The following CASTOR2 variants were observed in gnomAD, a reference collection of about 807,000 sequenced individuals.
CASTOR2 encodes the protein GATS protein like 2.
Under a neutral mutation model 31.2 loss-of-function variants are expected in CASTOR2, and 8 were observed. That is an observed-to-expected ratio of 0.26 (90% CI 0.15 to 0.46). The LOEUF (loss-of-function observed/expected upper bound fraction) is 0.46, where lower values mean the gene tolerates loss of function less well. CASTOR2 is among the 20% of genes least tolerant of loss of function. The probability of loss-of-function intolerance (pLI) is 0.99; values close to 1 mark genes in which losing one functional copy is unlikely to be tolerated. For missense variants in CASTOR2, 216 were observed against 382.1 expected (o/e 0.57, Z 3.62); for synonymous variants, 162 against 158.7 (o/e 1.02, Z -0.16).
At chr7:74,990,682 C>T (rs1189111862) in intron 1 of CASTOR2, among the ~76,000 whole-genome samples, 3 of 152,128 alleles carry the variant, frequency 2.0e-5, no homozygotes, top group Non-Finnish European at 4.4e-5. Context: ...TGGCAAAATC[C>T]CATCTCTACT....
Position 75,028,265 on chromosome 7 carries a change from C to A in CASTOR2, c.*3566C>A, listed in dbSNP as rs899686874. Among the ~76,000 whole-genome samples, 1 of 152,028 alleles carries A rather than the reference C, an allele frequency of 6.6e-6. No individual in the cohort carries two copies. The highest frequency in any genetic ancestry group is 1.5e-5 in the Non-Finnish European group (1 of 68,026). Reference sequence around the variant, plus strand: ...CCTCCCAAGTAGGTGAGATTACAGGCACTCACCACCACACGCGGCTAATTT... The same window carrying A: ...CCTCCCAAGTAGGTGAGATTACAGGAACTCACCACCACACGCGGCTAATTT... On this transcript the variant is annotated 3_prime_UTR_variant, in exon 9 of 9. Coordinates refer to ENST00000616305, the MANE Select transcript of CASTOR2 (RefSeq NM_001145064.3).
intron 2 of CASTOR2, among the ~76,000 whole-genome samples, chr7:75,013,131 C>T (rs1415840914): frequency 6.6e-6 from 1 of 152,206 alleles, no homozygotes; most frequent in East Asian, 1.9e-4. Flanking sequence ...CCTGTCACCC[C>T]GTTCTGCAAA....
intron 7 of CASTOR2, among the ~76,000 whole-genome samples, chr7:75,023,230 C>T (rs1805047153): frequency 6.6e-6 from 1 of 152,048 alleles, no homozygotes; most frequent in South Asian, 2.1e-4. Flanking sequence ...ATGGCATGAA[C>T]CTGGGAGGCG....
At chr7:75,001,588 G>A (rs1452098496) in intron 1 of CASTOR2, among the ~76,000 whole-genome samples, 2 of 152,228 alleles carry the variant, frequency 1.3e-5, no homozygotes, top group African/African-American at 4.8e-5. Context: ...GGAGGGTTAA[G>A]TCAAGGTGAT....
intron 1 of CASTOR2, among the ~76,000 whole-genome samples, chr7:74,999,606 T>C: frequency 3.6e-5 from 2 of 55,618 alleles, no homozygotes; most frequent in African/African-American, 5.2e-5. Flanking sequence ...CACTGCTTTT[T>C]TTTTTTTTTT....
At chr7:75,022,028 G>T (rs887244659) in intron 7 of CASTOR2, 72 bp downstream of exon 7, 3 of 1,524,116 alleles carry the variant, frequency 2.0e-6, no homozygotes, top group East Asian at 2.5e-5. Context: ...TACGTTGTCC[G>T]CAGTGACTCG....
At chr7:74,979,249 T>C (rs2131920148) in intron 1 of CASTOR2, among the ~76,000 whole-genome samples, 1 of 144,760 alleles carries the variant, frequency 6.9e-6, no homozygotes, top group Non-Finnish European at 1.5e-5. Context: ...GTTACATGGA[T>C]ATATGGCATA....
At chr7:75,023,216 G>A (rs1329748907) in intron 7 of CASTOR2, among the ~76,000 whole-genome samples, 4 of 152,130 alleles carry the variant, frequency 2.6e-5, no homozygotes, top group African/African-American at 4.8e-5. Context: ...GCTGAGGCAG[G>A]AGAATGGCAT....
chr7:74,992,152 G>A (rs1283316969), intron 1 of CASTOR2, among the ~76,000 whole-genome samples: 1 of 152,096 alleles, frequency 6.6e-6, no homozygotes, highest in African/African-American at 2.4e-5. Flanking sequence ...GGCTCAGGGG[G>A]ATGGGTCACT....
intron 1 of CASTOR2, among the ~76,000 whole-genome samples, chr7:74,995,141 G>T (rs587598109): frequency 8.5e-4 from 129 of 152,224 alleles, no homozygotes; most frequent in African/African-American, 3.1e-3. Context: ...TTGAGGAGGT[G>T]GCCCAATGGC....
intron 2 of CASTOR2, among the ~76,000 whole-genome samples, chr7:75,013,083 A>G (rs1804790782): frequency 6.6e-6 from 1 of 152,236 alleles, no homozygotes; most frequent in Non-Finnish European, 1.5e-5. Flanking sequence ...CCCAGGAAGA[A>G]GGATGCTGGC....
rs1410435482 is a variant in CASTOR2 at position 75,017,725 on chromosome 7, C to T, written c.312C>T (p.Ile104=). Residue 104 remains isoleucine (I), a synonymous_variant, in exon 3 of 9, where the codon ATC becomes ATT. Coordinates refer to ENST00000616305, the MANE Select transcript of CASTOR2 (RefSeq NM_001145064.3). ...TGACCAAGATCGCCAAGTCAGTCAT[C>T]GCCCCACTGGCTGACCAGAACATAT... ...IGVTKIAKSV[I]APLADQNISV... The T allele has an allele frequency of 1.5e-5, 25 of 1,613,914 alleles. No individual in the cohort carries two copies. The highest frequency in any genetic ancestry group is 5.3e-5 in the African/African-American group (4 of 74,940).
rs1230411034 is a variant in CASTOR2 at position 74,979,351 on chromosome 7, A to G, written c.113+14253A>G. Among the ~76,000 whole-genome samples, 252 of 136,358 alleles carry G rather than the reference A, an allele frequency of 1.8e-3. 3 individuals are homozygous for G. The highest frequency in any genetic ancestry group is 6.3e-3 in the African/African-American group (227 of 36,120). 89.5% of individuals were successfully genotyped at this position (136,358 alleles called of 152,430 possible). ...TTTTTTAACCTTCCTCCCCTTCCCA[A>G]CCTCCCCTCTATTGGAATCCCCAGT... On this transcript the variant is annotated intron_variant, in intron 1 of 8. Transcript: ENST00000616305.
chr7:74,981,624 A>G (rs1803947265), intron 1 of CASTOR2, among the ~76,000 whole-genome samples: 1 of 149,340 alleles, frequency 6.7e-6, no homozygotes, highest in South Asian at 2.1e-4. Flanking sequence ...TTGGGGTTTT[A>G]CCATGTTCCC....
At position 74,987,769 on chromosome 7, in the gene CASTOR2, C is replaced by T. The variant is rs1198083020; in HGVS notation, c.114-20225C>T. On this transcript the variant is annotated intron_variant, in intron 1 of 8. Coordinates refer to ENST00000616305, the MANE Select transcript of CASTOR2 (RefSeq NM_001145064.3). Reference sequence around the variant, plus strand: ...GAGCACCTAGGCTGGAGTGCAGTGGCGTGATATCGGCTCACTGCAACCTCC... The same window carrying T: ...GAGCACCTAGGCTGGAGTGCAGTGGTGTGATATCGGCTCACTGCAACCTCC... 4.8e-3 allele frequency among the ~76,000 whole-genome samples: 725 copies of T among 151,666 alleles called. 22 individuals carry two copies. The highest frequency in any genetic ancestry group is 0.042 in the Admixed American group (634 of 15,194).
chr7:75,014,044 G>A (rs1202230221), intron 2 of CASTOR2, among the ~76,000 whole-genome samples: 3 of 152,032 alleles, frequency 2.0e-5, no homozygotes, highest in African/African-American at 7.2e-5. Flanking sequence ...TAAGTATTTC[G>A]TGAGCACTGT....
chr7:75,001,947 C>T (rs1166472332), intron 1 of CASTOR2, among the ~76,000 whole-genome samples: 1 of 152,162 alleles, frequency 6.6e-6, no homozygotes, highest in Admixed American at 6.5e-5. Flanking sequence ...ACCACCAGCC[C>T]AGCTGTCCAC....
intron 2 of CASTOR2, among the ~76,000 whole-genome samples, chr7:75,015,910 T>C (rs1398857493): frequency 6.6e-6 from 1 of 151,916 alleles, no homozygotes; most frequent in Non-Finnish European, 1.5e-5. Flanking sequence ...TTACTAAAAA[T>C]ATAAAAATTA....
At chr7:74,972,708 C>G (rs1375632287) in intron 1 of CASTOR2, among the ~76,000 whole-genome samples, 5 of 150,738 alleles carry the variant, frequency 3.3e-5, no homozygotes, top group South Asian at 2.1e-4. Flanking sequence ...GAGACAGAGT[C>G]TTGCTCTGTC....
Sources: gnomAD v4.1 joint callset for allele counts (sites outside exome capture counted in the v4.1 genomes callset) on GRCh38, gnomAD v4.1.1 for gene constraint, MANE v1.5 for transcripts, NCBI Gene and HGNC (gene_info 2026-07-23, HGNC 2026-07-21) for gene names.